C6: variants seen among roughly 807,000 people sequenced by gnomAD.
The protein encoded by C6 is complement C6.
C6 carries 101 observed loss-of-function variants against 112.9 expected under a neutral mutation model. The ratio of observed to expected loss-of-function variants is 0.89; its 90% CI spans 0.76 to 1.06. C6 has a LOEUF of 1.06. Ranked by LOEUF, C6 falls within the 50% of genes least tolerant of loss-of-function variation. The pLI, the probability that C6 is intolerant of heterozygous loss-of-function variation, is 0.00. For synonymous variants in C6, 431 were observed against 384.1 expected (o/e 1.12, Z -1.43); for missense variants, 1,202 against 1,104.6 (o/e 1.09, Z -1.25).
chr5:41,191,259 G>C (rs1580154655), intron 5 of C6, among the ~76,000 whole-genome samples: 1 of 151,758 alleles, frequency 6.6e-6, no homozygotes, highest in South Asian at 2.1e-4. Context: ...TAGAGATGGG[G>C]TTTCACTATG....
chr5:41,161,533 C>A (rs951265983), intron 10 of C6, among the ~76,000 whole-genome samples, 160 bp downstream of exon 10: 7 of 151,968 alleles, frequency 4.6e-5, no homozygotes, highest in African/African-American at 1.7e-4. Flanking sequence ...ATTAGACATG[C>A]AATTTAACAT....
intron 5 of C6, among the ~76,000 whole-genome samples, chr5:41,191,787 T>A (rs543817646): frequency 1.5e-4 from 22 of 148,210 alleles, no homozygotes; most frequent in African/African-American, 5.3e-4. Flanking sequence ...TTATCATTTC[T>A]AGGGCCTTTT....
intron 5 of C6, among the ~76,000 whole-genome samples, chr5:41,191,547 A>C (rs1208118823): frequency 6.6e-6 from 1 of 152,192 alleles, no homozygotes; most frequent in Non-Finnish European, 1.5e-5. Context: ...CCATAAAAAC[A>C]GGATGCCTTC....
intron 1 of C6, among the ~76,000 whole-genome samples, chr5:41,207,463 G>A (rs977922580): frequency 5.3e-5 from 8 of 152,150 alleles, no homozygotes; most frequent in East Asian, 1.9e-4. Flanking sequence ...ACCCATCAGC[G>A]TGCTGTATTC....
chr5:41,249,095 C>A (rs1477558656), intron 1 of C6, among the ~76,000 whole-genome samples: 2 of 152,084 alleles, frequency 1.3e-5, no homozygotes, highest in African/African-American at 4.8e-5. Flanking sequence ...TAAGTAGTAG[C>A]TAATCATTGG....
intron 1 of C6, among the ~76,000 whole-genome samples, chr5:41,240,581 A>G (rs928594909): frequency 2.6e-5 from 4 of 152,032 alleles, no homozygotes; most frequent in African/African-American, 7.2e-5. Context: ...GTGGATGCTG[A>G]TGTTGGTGGT....
At position 41,149,933 on chromosome 5, in the gene C6, A is replaced by T. The variant is rs76202909; in HGVS notation, c.2381+2T>A. 6.3e-7 allele frequency: 1 copy of T among 1,589,852 alleles called. No homozygotes were observed. Among genetic ancestry groups the T allele is most frequent in the African/African-American group, 1.3e-5 (1 of 74,436 alleles). On this transcript the variant is annotated splice_donor_variant, in intron 16 of 17. Coordinates refer to ENST00000337836, the MANE Select transcript of C6 (RefSeq NM_000065.5). LOFTEE classifies it high-confidence loss of function. The stretch of plus-strand genomic sequence containing the variant: ...AGACACAGTCTGTAGGGTATCTCTT[A>T]CCTACAGTCTTCTTCTGGAGACATA...
chr5:41,182,717 A>T (rs1052025191), intron 6 of C6, among the ~76,000 whole-genome samples: 1 of 152,242 alleles, frequency 6.6e-6, no homozygotes, highest in African/African-American at 2.4e-5. Flanking sequence ...GAATGAAGTT[A>T]TACAGAGATC....
intron 8 of C6, chr5:41,172,599 A>G (rs1748521631): frequency 7.4e-6 from 4 of 543,308 alleles, no homozygotes; most frequent in Admixed American, 3.1e-5. Context: ...GACCCTCAGA[A>G]GCACATATGA....
chr5:41,144,080 T>A (rs1232745672), intron 17 of C6, among the ~76,000 whole-genome samples: 1 of 152,192 alleles, frequency 6.6e-6, no homozygotes, highest in African/African-American at 2.4e-5. Context: ...TCAAGTAGTT[T>A]AACTGTCTGT....
At chr5:41,239,377 G>A (rs970898452) in intron 1 of C6, among the ~76,000 whole-genome samples, 1 of 152,072 alleles carries the variant, frequency 6.6e-6, no homozygotes, top group Non-Finnish European at 1.5e-5. Context: ...CTCCCAAAGT[G>A]CTGGGGTTAC....
intron 4 of C6, 143 bp downstream of exon 4, chr5:41,199,625 G>T: frequency 1.2e-6 from 1 of 843,540 alleles, no homozygotes; most frequent in Non-Finnish European, 2.0e-6. Context: ...CTTGGGAATT[G>T]GCAGCATAAC....
In C6 at chr5:41,201,825, T is replaced by A; in HGVS notation, c.144-111A>T. The A allele has an allele frequency of 4.8e-6, 5 of 1,039,740 alleles. No individual in the cohort carries two copies. The South Asian group carries it at 6.5e-5, about 14-fold the overall frequency. 64.4% of individuals were successfully genotyped at this position (1,039,740 alleles called of 1,614,324 possible). ...TACAATAAATAGAAAAGAAAGAAAATTTTCATGGAAAAATTAGGCAGGTTG... is the reference window on the plus strand; with the variant it reads ...TACAATAAATAGAAAAGAAAGAAAAATTTCATGGAAAAATTAGGCAGGTTG... On this transcript the variant is annotated intron_variant, in intron 2 of 17. Transcript: ENST00000337836.
In C6 at chr5:41,201,624, G is replaced by A. The variant is rs1167615198; in HGVS notation, c.234C>T (p.Cys78=). Residue 78 remains cysteine (C), a synonymous_variant, in exon 3 of 18, where the codon TGC becomes TGT. Coordinates refer to ENST00000337836, the MANE Select transcript of C6 (RefSeq NM_000065.5). ...AATCTCCCAGGAGGCAGTTGATGGG[G>A]CATCTTTGCCAGTTACATTCTCTAG... ...QETRECNWQR[C]PINCLLGDFG... 5.6e-6 allele frequency: 9 copies of A among 1,613,482 alleles called. No homozygotes were observed. The highest frequency in any genetic ancestry group is 1.6e-4 in the Middle Eastern group (1 of 6,082).
intron 15 of C6, among the ~76,000 whole-genome samples, chr5:41,151,247 T>A (rs1156568412): frequency 6.6e-6 from 1 of 152,086 alleles, no homozygotes. Context: ...AAGAGGATGA[T>A]AATTTGGACC....
At chr5:41,152,086 A>G (rs1249251947) in intron 15 of C6, among the ~76,000 whole-genome samples, 1 of 152,044 alleles carries the variant, frequency 6.6e-6, no homozygotes, top group Admixed American at 6.6e-5. Context: ...AGAAAGAGAA[A>G]ACAGATGTTA....
intron 15 of C6, among the ~76,000 whole-genome samples, chr5:41,152,340 T>A (rs1388961184): frequency 6.6e-6 from 1 of 152,114 alleles, no homozygotes; most frequent in Non-Finnish European, 1.5e-5. Flanking sequence ...CCTTGGTTTC[T>A]TTGCTCATGT....
At chr5:41,260,105 C>T (rs1741950933) in intron 1 of C6, among the ~76,000 whole-genome samples, 1 of 152,142 alleles carries the variant, frequency 6.6e-6, no homozygotes, top group Non-Finnish European at 1.5e-5. Flanking sequence ...GCAGCCAAAG[C>T]TTCCTATAGT....
chr5:41,152,276 AG>A (rs1473917411), intron 15 of C6, among the ~76,000 whole-genome samples: 1 of 151,936 alleles, frequency 6.6e-6, no homozygotes, highest in Admixed American at 6.6e-5. Context: ...TCGGTGAGGG[AG>A]GGGGATGAAA....
Sources: gnomAD v4.1 joint callset for allele counts (sites outside exome capture counted in the v4.1 genomes callset) on GRCh38, gnomAD v4.1.1 for gene constraint, MANE v1.5 for transcripts, NCBI Gene and HGNC (gene_info 2026-07-23, HGNC 2026-07-21) for gene names.